The following TRIM21 variants were observed in gnomAD, a reference collection of about 807,000 sequenced individuals.
The protein encoded by TRIM21 is tripartite motif containing 21, also known as E3 ubiquitin-protein ligase TRIM21.
In TRIM21, 35 loss-of-function variants were observed where a neutral mutation model predicts 36.1. That is an observed-to-expected ratio of 0.97 (90% CI 0.74 to 1.28). The LOEUF is 1.28. Among genes scored for constraint, TRIM21 ranks in the 50% most tolerant of loss-of-function variants. The pLI, the probability that TRIM21 is intolerant of heterozygous loss-of-function variation, is 0.00. For synonymous variants in TRIM21, 256 were observed against 211.5 expected, an observed-to-expected ratio of 1.21 and a Z score of -1.83; for missense variants, 635 against 570.7, an observed-to-expected ratio of 1.11 and a Z score of -1.15.
chr11:4,385,353 C>T lies in TRIM21; in HGVS notation c.1360G>A (p.Gly454Arg), dbSNP rs999950900. The change falls in exon 7 of 7, where the codon GGA becomes AGA. Residue 454 changes from glycine (G) to arginine (R), a missense_variant. Transcript: ENST00000254436. Reference sequence around the variant, plus strand: ...AGGGTTAGAGGGGCTGTGTTTTTTCCTCCATCATTGAAACCAGGACTGAAG... The same window carrying T: ...AGGGTTAGAGGGGCTGTGTTTTTTCTTCCATCATTGAAACCAGGACTGAAG... ...PFFSPGFNDG[G>R]KNTAPLTLCP... is the part of the protein sequence containing the mutation. 30 of 1,613,496 alleles carry T rather than the reference C, an allele frequency of 1.9e-5. No homozygotes were observed. The highest frequency in any genetic ancestry group is 2.4e-5 in the Non-Finnish European group (28 of 1,179,820).
chr11:4,386,405 G>A, intron 5 of TRIM21, 148 bp from the exon 6 acceptor site: 1 of 727,772 alleles, frequency 1.4e-6, no homozygotes. Context: ...GTGGGTGTGA[G>A]AGGCAAACAA....
chr11:4,393,215 T>C (rs2094965127), intron 1 of TRIM21, among the ~76,000 whole-genome samples: 2 of 152,140 alleles, frequency 1.3e-5, no homozygotes, highest in South Asian at 4.1e-4. Flanking sequence ...TCTCCAGAAT[T>C]GCAGACCTCC....
Position 4,389,685 on chromosome 11 carries a change from A to G in TRIM21, c.473T>C (p.Val158Ala), listed in dbSNP as rs2094960388. Residue 158 changes from valine (V) to alanine (A), a missense_variant, in exon 3 of 7, where the codon GTG becomes GCG. Transcript: ENST00000254436. ...RKQELAEKLE[V>A]EIAIKRADWK... ...GTCTGCTCTCTTTATTGCAATTTCCACTTCCAACTTCTCAGCCAACTCCTG... is the reference window on the plus strand; with the variant it reads ...GTCTGCTCTCTTTATTGCAATTTCCGCTTCCAACTTCTCAGCCAACTCCTG... 1 of 1,613,594 alleles carries G rather than the reference A, an allele frequency of 6.2e-7. No individual in the cohort carries two copies. The highest frequency in any genetic ancestry group is 2.2e-5 in the East Asian group (1 of 44,856).
At chr11:4,386,371 C>T in intron 5 of TRIM21, 114 bp from the exon 6 acceptor site, 2 of 900,068 alleles carry the variant, frequency 2.2e-6, no homozygotes, top group Non-Finnish European at 3.6e-6. Context: ...TTTACAAAGA[C>T]CTCTGGTGTT....
chr11:4,391,808 G>A (rs779618966), intron 1 of TRIM21, among the ~76,000 whole-genome samples: 2 of 152,196 alleles, frequency 1.3e-5, no homozygotes, highest in African/African-American at 4.8e-5. Flanking sequence ...ATTATGTTAG[G>A]TGAAATAAGC....
intron 1 of TRIM21, 74 bp from the exon 2 acceptor site, chr11:4,390,532 C>T (rs2094961873): frequency 2.1e-6 from 2 of 935,526 alleles, no homozygotes; most frequent in South Asian, 2.1e-5. Flanking sequence ...CAACATAATC[C>T]CTATCAAAAT....
At position 4,385,469 on chromosome 11, in the gene TRIM21, G is replaced by GC. The variant is rs1465390202; in HGVS notation, c.1243dup (p.Ala415GlyfsTer11). 1.9e-6 allele frequency: 3 copies of GC among 1,612,378 alleles called. No individual in the cohort carries two copies. Among genetic ancestry groups the GC allele is most frequent in the Middle Eastern group, 1.7e-4 (1 of 6,060 alleles). On this transcript the variant is annotated frameshift_variant, in exon 7 of 7. Coordinates refer to ENST00000254436, the MANE Select transcript of TRIM21 (RefSeq NM_003141.4). LOFTEE classifies it low-confidence loss of function (END_TRUNC). ...GATGTTGTAGAAGGAGACCATGCCA[G>GC]CCTCATAGTCCAGGAAAATCCCAAC...
intron 6 of TRIM21, 108 bp downstream of exon 6, chr11:4,386,048 TC>T: frequency 8.6e-7 from 1 of 1,163,132 alleles, no homozygotes; most frequent in African/African-American, 1.5e-5. Flanking sequence ...CCATCTCTGT[TC>T]CCCCTGCTCT....
intron 3 of TRIM21, 129 bp from the exon 4 acceptor site, chr11:4,388,659 ATGCACACGCACACGCGCG>A: frequency 1.2e-6 from 1 of 858,180 alleles, no homozygotes. Context: ...ACACACACAC[ATGCACACGCACACGCGCG>A]CACACACACA....
At chr11:4,389,964 G>T (rs1457048049) in intron 2 of TRIM21, 38 bp downstream of exon 2, 2 of 1,602,022 alleles carry the variant, frequency 1.2e-6, no homozygotes, top group Non-Finnish European at 1.7e-6. Context: ...TCCCTGCTCT[G>T]AAAACGAAGC....
At chr11:4,393,361 G>A (rs1452083105) in intron 1 of TRIM21, among the ~76,000 whole-genome samples, 3 of 151,748 alleles carry the variant, frequency 2.0e-5, no homozygotes, top group Admixed American at 6.6e-5. Flanking sequence ...CCACAGTCAC[G>A]TCCACAACCC....
Position 4,390,125 on chromosome 11 carries a change from A to G in TRIM21, c.285T>C (p.His95=). ...EGTQGERCAV[H]GERLHLFCEK... ...CACAGAACAGGTGAAGTCTCTCTCC[A>G]TGCACTGCACACCGTTCCCCCTGTG... Residue 95 remains histidine (H), a synonymous_variant, in exon 2 of 7, where the codon CAT becomes CAC. Transcript: ENST00000254436. 2 of 1,613,934 alleles carry G rather than the reference A, an allele frequency of 1.2e-6. No homozygotes were observed. The highest frequency in any genetic ancestry group is 1.7e-6 in the Non-Finnish European group (2 of 1,179,878).
chr11:4,387,255 T>TTG (rs1671331966), intron 4 of TRIM21, among the ~76,000 whole-genome samples: 1 of 134,212 alleles, frequency 7.5e-6, no homozygotes, highest in African/African-American at 2.5e-5. Flanking sequence ...AGACCAGTTT[T>TTG]TTTTTTTTTT....
intron 1 of TRIM21, among the ~76,000 whole-genome samples, chr11:4,392,981 C>G (rs1262993553): frequency 6.6e-6 from 1 of 152,120 alleles, no homozygotes; most frequent in Non-Finnish European, 1.5e-5. Context: ...CGGCGGAAGT[C>G]AGTTGCATAT....
intron 3 of TRIM21, 133 bp from the exon 4 acceptor site, chr11:4,388,663 ACACGCACACGCG>A (rs1268071724): frequency 4.9e-6 from 4 of 817,492 alleles, no homozygotes; most frequent in Non-Finnish European, 8.0e-6. Flanking sequence ...ACACACATGC[ACACGCACACGCG>A]CGCACACACA....
At position 4,390,569 on chromosome 11, in the gene TRIM21, G is replaced by GA. The variant is rs1362470051; in HGVS notation, c.-49-112dup. 37 of 696,924 alleles carry GA rather than the reference G, an allele frequency of 5.3e-5. No individual in the cohort carries two copies. In the African/African-American group the frequency reaches 6.1e-4, roughly 11 times the overall value. The allele number at this position is 696,924 out of a possible 1,614,324, so 43.2% of individuals were successfully genotyped here. A position where few individuals can be genotyped will look rare whatever the true frequency, so the allele number is the denominator to read the frequency against. On this transcript the variant is annotated intron_variant, in intron 1 of 6. Transcript: ENST00000254436. ...CCAATGACATTCTTCACAAAAATAG[G>GA]AAAAAACAATCCTAAAATTTATATG...
At chr11:4,389,127 C>T (rs1036016736) in intron 3 of TRIM21, among the ~76,000 whole-genome samples, 1 of 152,168 alleles carries the variant, frequency 6.6e-6, no homozygotes, top group Non-Finnish European at 1.5e-5. Flanking sequence ...CCTTCTTCTC[C>T]CCTCTCATCC....
At position 4,385,341 on chromosome 11, in the gene TRIM21, CTG is replaced by C. The variant is rs761038124; in HGVS notation, c.1370_1371del (p.Thr457SerfsTer17). 24 of 1,613,442 alleles carry C rather than the reference CTG, an allele frequency of 1.5e-5. No homozygotes were observed. Among genetic ancestry groups the C allele is most frequent in the Non-Finnish European group, 1.9e-5 (23 of 1,179,858 alleles). On this transcript the variant is annotated frameshift_variant, in exon 7 of 7. Coordinates refer to ENST00000254436, the MANE Select transcript of TRIM21 (RefSeq NM_003141.4). LOFTEE classifies it low-confidence loss of function (END_TRUNC). ...SPGFNDGGKNTAPLTLCPLNI... is the reference protein window; with the variant it reads ...SPGFNDGGKNXAPLTLCPLNI... ...TTCAGTGGACAGAGGGTTAGAGGGG[CTG>C]TGTTTTTTCCTCCATCATTGAAACC...
At chr11:4,385,936 C>T in intron 6 of TRIM21, 83 bp from the exon 7 acceptor site, 2 of 1,384,114 alleles carry the variant, frequency 1.4e-6, no homozygotes, top group African/African-American at 1.4e-5. Context: ...TTTGTGTAAA[C>T]TCCAGGGTAA....
Sources: allele counts gnomAD v4.1 joint callset (sites outside exome capture counted in the v4.1 genomes callset), GRCh38; gene constraint gnomAD v4.1.1; transcripts MANE v1.5; gene names NCBI Gene and HGNC (gene_info 2026-07-23, HGNC 2026-07-21).